The following DLGAP2 variants were observed in gnomAD, a reference collection of about 807,000 sequenced individuals.
DLGAP2 encodes the protein disks large-associated protein 2.
Under a neutral mutation model 100.3 loss-of-function variants are expected in DLGAP2, and 26 were observed. That is an observed-to-expected ratio of 0.26 (90% confidence interval 0.19 to 0.36). The LOEUF (loss-of-function observed/expected upper bound fraction) is 0.36, where lower values mean the gene tolerates loss of function less well. Ranked by LOEUF, DLGAP2 falls within the 10% of genes least tolerant of loss-of-function variation. The pLI is 1.00. For missense variants in DLGAP2, 1,858 were observed against 1,453.2 expected, an observed-to-expected ratio of 1.28 and a Z score of -4.53; for synonymous variants, 886 against 630.1, an observed-to-expected ratio of 1.41 and a Z score of -6.08.
At chr8:1,176,075 T>C (rs7815649) in intron 2 of DLGAP2, among the ~76,000 whole-genome samples, 28,322 of 152,048 alleles carry the variant, frequency 0.19, 2,814 homozygotes, top group Middle Eastern at 0.35. Context: ...TACCTGAAAC[T>C]GGGTAATTTA....
chr8:1,356,346 A>G (rs1287019997), intron 3 of DLGAP2, among the ~76,000 whole-genome samples: 1 of 152,244 alleles, frequency 6.6e-6, no homozygotes, highest in African/African-American at 2.4e-5. Flanking sequence ...AGTAAAACAA[A>G]TCCTCATTTT....
At chr8:1,366,469 G>C (rs1401864093) in intron 3 of DLGAP2, among the ~76,000 whole-genome samples, 1 of 152,194 alleles carries the variant, frequency 6.6e-6, no homozygotes, top group Non-Finnish European at 1.5e-5. Flanking sequence ...CTGAAGTGGG[G>C]GGCAGCCCAG....
chr8:837,176 G>A (rs1348998009), intron 1 of DLGAP2, among the ~76,000 whole-genome samples: 3 of 152,176 alleles, frequency 2.0e-5, no homozygotes, highest in Admixed American at 6.5e-5. Flanking sequence ...TCCCGGGAGC[G>A]GATGCGCTCA....
rs1801646551 is a variant in DLGAP2, at chr8:1,548,823, C to A, written c.370C>A (p.Pro124Thr). Residue 124 changes from proline (P) to threonine (T), a missense_variant, in exon 5 of 15, where the codon CCC becomes ACC. Physicochemically the swap from Pro to Thr is conservative, Grantham distance 38. Coordinates refer to ENST00000637795, the MANE Select transcript of DLGAP2 (RefSeq NM_001346810.2). ...PDARPPYLLS[P>T]ADSCPGGRHR... The stretch of plus-strand genomic sequence containing the variant: ...CGCGCGGCCGCCCTACCTGCTGAGC[C>A]CCGCCGACAGCTGCCCCGGGGGGCG... The A allele has an allele frequency of 1.3e-6, 2 of 1,581,032 alleles. No individual in the cohort carries two copies. Among genetic ancestry groups the A allele is most frequent in the Non-Finnish European group, 1.7e-6 (2 of 1,167,764 alleles).
intron 8 of DLGAP2, among the ~76,000 whole-genome samples, chr8:1,633,415 AG>A: frequency 6.6e-6 from 1 of 152,324 alleles, no homozygotes; most frequent in East Asian, 1.9e-4. Flanking sequence ...AGTGACTCTC[AG>A]GCTGCCCTGT....
rs533182399 is a variant in DLGAP2, at chr8:1,446,363, G to T, written c.107-55003G>T. On this transcript the variant is annotated intron_variant, in intron 3 of 14. Transcript: ENST00000637795. ...TTAAATAGGGAATCCTTTCCCCATT[G>T]CTTATTTTTGTCAGGTTTGTCAAAG... Among the ~76,000 whole-genome samples the T allele has an allele frequency of 5.6e-3, 856 of 151,776 alleles. 9 individuals are homozygous for T. Among genetic ancestry groups the T allele is most frequent in the African/African-American group, 0.019 (790 of 41,128 alleles).
intron 2 of DLGAP2, among the ~76,000 whole-genome samples, chr8:1,119,919 T>C (rs750964101): frequency 6.6e-6 from 1 of 152,194 alleles, no homozygotes; most frequent in East Asian, 1.9e-4. Context: ...AAAGGTTTCC[T>C]TGTAGTTGGG....
At chr8:745,341 G>C (rs1448761646) in intron 1 of DLGAP2, among the ~76,000 whole-genome samples, 1 of 152,162 alleles carries the variant, frequency 6.6e-6, no homozygotes, top group African/African-American at 2.4e-5. Context: ...GGCCATTTCA[G>C]AATGAAGCAC....
At chr8:1,647,256 C>T (rs1798060355) in intron 8 of DLGAP2, among the ~76,000 whole-genome samples, 1 of 152,050 alleles carries the variant, frequency 6.6e-6, no homozygotes, top group African/African-American at 2.4e-5. Context: ...TTCAGGGCTG[C>T]TCACAGTTAG....
At chr8:1,062,895 A>C (rs1331210690) in intron 2 of DLGAP2, among the ~76,000 whole-genome samples, 6 of 152,218 alleles carry the variant, frequency 3.9e-5, no homozygotes, top group Admixed American at 3.3e-4. Context: ...ATCACCGAGT[A>C]CTGGAGCAAT....
chr8:1,363,860 T>C (rs1006399162), intron 3 of DLGAP2, among the ~76,000 whole-genome samples: 3 of 151,918 alleles, frequency 2.0e-5, no homozygotes, highest in Middle Eastern at 3.2e-3. Flanking sequence ...GCCTGCCACG[T>C]CTCTGGGAGG....
At chr8:1,329,601 T>C (rs553779882) in intron 3 of DLGAP2, among the ~76,000 whole-genome samples, 46 of 152,280 alleles carry the variant, frequency 3.0e-4, no homozygotes, top group African/African-American at 9.6e-4. Context: ...CCGTCCTGGT[T>C]CTGTGCCGGG....
At chr8:1,495,904 G>A (rs1343270918) in intron 3 of DLGAP2, among the ~76,000 whole-genome samples, 3 of 152,204 alleles carry the variant, frequency 2.0e-5, no homozygotes, top group Non-Finnish European at 4.4e-5. Flanking sequence ...CTGGGTGCCG[G>A]CGCCCAGCCT....
At chr8:1,199,736 C>T (rs1797829279) in intron 2 of DLGAP2, among the ~76,000 whole-genome samples, 1 of 152,108 alleles carries the variant, frequency 6.6e-6, no homozygotes, top group South Asian at 2.1e-4. Flanking sequence ...ATGTTTGTAT[C>T]TAGGACACTT....
chr8:1,017,734 G>T (rs1243042554), intron 2 of DLGAP2, among the ~76,000 whole-genome samples: 1 of 152,064 alleles, frequency 6.6e-6, no homozygotes, highest in Non-Finnish European at 1.5e-5. Flanking sequence ...GACGGGGACT[G>T]ACTGAGCCTG....
chr8:1,503,081 G>T (rs992415625), intron 4 of DLGAP2, among the ~76,000 whole-genome samples: 16 of 152,190 alleles, frequency 1.1e-4, no homozygotes, highest in African/African-American at 3.9e-4. Context: ...GATGAGGCTG[G>T]GGGGCGAAGG....
intron 2 of DLGAP2, among the ~76,000 whole-genome samples, chr8:1,198,836 C>A (rs1248397551): frequency 2.6e-5 from 4 of 152,218 alleles, no homozygotes; most frequent in South Asian, 2.1e-4. Flanking sequence ...CTGGGCTAGG[C>A]ATTGGTCTTG....
intron 1 of DLGAP2, among the ~76,000 whole-genome samples, chr8:804,325 T>C (rs892589547): frequency 1.3e-5 from 2 of 152,192 alleles, no homozygotes; most frequent in African/African-American, 4.8e-5. Context: ...CTGAGACTCT[T>C]ATGTAAGTTC....
At chr8:1,188,550 G>T (rs180941235) in intron 2 of DLGAP2, among the ~76,000 whole-genome samples, 2 of 147,036 alleles carry the variant, frequency 1.4e-5, no homozygotes, top group Non-Finnish European at 3.0e-5. Context: ...AATCTCAGAC[G>T]CCCGGGATCT....
Sources: gnomAD v4.1 joint callset for allele counts (sites outside exome capture counted in the v4.1 genomes callset) on GRCh38, gnomAD v4.1.1 for gene constraint, MANE v1.5 for transcripts, NCBI Gene and HGNC (gene_info 2026-07-23, HGNC 2026-07-21) for gene names.